PCDH15: variants seen among roughly 807,000 people sequenced by gnomAD.
The protein encoded by PCDH15 is protocadherin-15.
Under a neutral mutation model 178.5 loss-of-function variants are expected in PCDH15, and 129 were observed. The ratio of observed to expected loss-of-function variants is 0.72; its 90% CI spans 0.63 to 0.84. The LOEUF (loss-of-function observed/expected upper bound fraction) is 0.84. Among genes scored for constraint, PCDH15 ranks in the 40% least tolerant of loss-of-function variants. The pLI, the probability that PCDH15 is intolerant of heterozygous loss-of-function variation, is 0.00. For missense variants in PCDH15, 2,230 were observed against 2,099.9 expected, an observed-to-expected ratio of 1.06 and a Z score of -1.21; for synonymous variants, 800 against 732.0, an observed-to-expected ratio of 1.09 and a Z score of -1.50.
chr10:53,978,318 C>T (rs1330510256), intron 21 of PCDH15, among the ~76,000 whole-genome samples: 1 of 152,188 alleles, frequency 6.6e-6, no homozygotes, highest in Non-Finnish European at 1.5e-5. Context: ...GTCTTCTCTA[C>T]ACCCGCTGGA....
intron 3 of PCDH15, among the ~76,000 whole-genome samples, chr10:54,470,874 T>G (rs2077870041): frequency 6.6e-6 from 1 of 152,064 alleles, no homozygotes; most frequent in East Asian, 1.9e-4. Flanking sequence ...GTGAAGGAGG[T>G]GAGTACCGGA....
At chr10:53,962,715 C>T (rs773249091) in intron 21 of PCDH15, among the ~76,000 whole-genome samples, 6 of 151,962 alleles carry the variant, frequency 3.9e-5, no homozygotes, top group Non-Finnish European at 8.8e-5. Context: ...AGTTGGGACA[C>T]CAAACAAAGT....
intron 2 of PCDH15, among the ~76,000 whole-genome samples, chr10:55,440,416 T>C (rs1437500297): frequency 2.6e-5 from 4 of 152,164 alleles, no homozygotes; most frequent in Non-Finnish European, 5.9e-5. Flanking sequence ...GAGGTAGTTA[T>C]TGTGGATTTT....
intron 2 of PCDH15, among the ~76,000 whole-genome samples, chr10:54,958,416 T>C (rs1261411006): frequency 6.6e-6 from 1 of 151,716 alleles, no homozygotes; most frequent in Non-Finnish European, 1.5e-5. Context: ...TCAAAGTCAC[T>C]TTGAGAAGAG....
chr10:54,863,126 A>G (rs1361552867), intron 3 of PCDH15, among the ~76,000 whole-genome samples: 1 of 152,140 alleles, frequency 6.6e-6, no homozygotes, highest in African/African-American at 2.4e-5. Context: ...TTAACCTTTT[A>G]TAGATAGTTT....
chr10:55,428,732 G>T (rs1838815680), intron 2 of PCDH15, among the ~76,000 whole-genome samples: 1 of 151,560 alleles, frequency 6.6e-6, no homozygotes, highest in Admixed American at 6.6e-5. Context: ...ATTATTAATA[G>T]GTTTAAGTCT....
chr10:54,302,665 G>C (rs1256668041), intron 8 of PCDH15, among the ~76,000 whole-genome samples: 1 of 152,064 alleles, frequency 6.6e-6, no homozygotes, highest in African/African-American at 2.4e-5. Flanking sequence ...TGCCTAGTTT[G>C]TGGTATTTTT....
At chr10:54,418,848 A>T (rs571971223) in intron 3 of PCDH15, among the ~76,000 whole-genome samples, 67 of 152,152 alleles carry the variant, frequency 4.4e-4, no homozygotes, top group African/African-American at 1.5e-3. Flanking sequence ...AAGCTAAAAG[A>T]CAATAATATG....
chr10:54,084,153 T>C (rs1259578927), intron 16 of PCDH15, among the ~76,000 whole-genome samples: 1 of 151,576 alleles, frequency 6.6e-6, no homozygotes, highest in Non-Finnish European at 1.5e-5. Context: ...TGGCATGATC[T>C]CCGCTCACTG....
rs1955391618 is a variant in PCDH15, at chr10:54,421,710, A to ACT, written c.158-42770_158-42769dup. On this transcript the variant is annotated intron_variant, in intron 3 of 37. Coordinates refer to ENST00000644397, the MANE Select transcript of PCDH15 (RefSeq NM_001384140.1). Reference sequence around the variant, plus strand: ...TATATATATACACACACACACACACACTATATATATTTTTGTGTTATATAT... The same window carrying ACT: ...TATATATATACACACACACACACACACTCTATATATATTTTTGTGTTATATAT... Among the ~76,000 whole-genome samples, 2 of 132,378 alleles carry ACT rather than the reference A, an allele frequency of 1.5e-5. 1 individual carries two copies. 86.8% of individuals were successfully genotyped at this position (132,378 alleles called of 152,430 possible).
At position 54,087,390 on chromosome 10, in the gene PCDH15, AT is replaced by A. The variant is rs533269423; in HGVS notation, c.1997+2593del. ...ATTATGAAAATTTTATAGAAATGAA[AT>A]AATATAATACGTGCTCTTTTTGCAA... is the stretch of plus-strand genomic sequence containing the variant. On this transcript the variant is annotated intron_variant, in intron 16 of 37. Transcript: ENST00000644397. Among the ~76,000 whole-genome samples the A allele has an allele frequency of 4.3e-4, 66 of 152,298 alleles. No homozygotes were observed. In the South Asian group the frequency reaches 7.2e-3, roughly 17 times the overall value.
chr10:54,411,391 A>T (rs1953489808), intron 3 of PCDH15, among the ~76,000 whole-genome samples: 1 of 152,158 alleles, frequency 6.6e-6, no homozygotes, highest in Non-Finnish European at 1.5e-5. Flanking sequence ...AAATTAAAAG[A>T]CCAGTATAAC....
intron 2 of PCDH15, among the ~76,000 whole-genome samples, chr10:55,400,072 C>T (rs1367271548): frequency 6.6e-6 from 1 of 152,072 alleles, no homozygotes; most frequent in Non-Finnish European, 1.5e-5. Flanking sequence ...ATCTTTAAAA[C>T]TTCAGCAAAT....
intron 3 of PCDH15, among the ~76,000 whole-genome samples, chr10:54,511,595 TACGGTC>T (rs1565461750): frequency 6.6e-6 from 1 of 152,206 alleles, no homozygotes; most frequent in Non-Finnish European, 1.5e-5. Context: ...TGATATATCA[TACGGTC>T]ACTTTATGGA....
intron 15 of PCDH15, among the ~76,000 whole-genome samples, chr10:54,121,973 A>G (rs991144130): frequency 1.4e-4 from 21 of 148,986 alleles, no homozygotes; most frequent in African/African-American, 5.0e-4. Context: ...AGCCAGCATC[A>G]CCTAATATCT....
chr10:54,408,377 A>G (rs1022277069), intron 3 of PCDH15, among the ~76,000 whole-genome samples: 1 of 152,172 alleles, frequency 6.6e-6, no homozygotes, highest in African/African-American at 2.4e-5. Context: ...TATTCCATAT[A>G]TGTAAAATAT....
intron 1 of PCDH15, among the ~76,000 whole-genome samples, chr10:54,757,168 G>T (rs1300048542): frequency 6.6e-6 from 1 of 152,048 alleles, no homozygotes; most frequent in Non-Finnish European, 1.5e-5. Context: ...ATTAGCTGGG[G>T]ACAATTTGTA....
At chr10:54,830,029 C>T (rs1029177860) in intron 3 of PCDH15, among the ~76,000 whole-genome samples, 1 of 152,054 alleles carries the variant, frequency 6.6e-6, no homozygotes, top group Non-Finnish European at 1.5e-5. Context: ...TTCTCATTTT[C>T]ATTCAGATTA....
chr10:55,026,336 T>A (rs919528241), intron 2 of PCDH15, among the ~76,000 whole-genome samples: 3 of 152,004 alleles, frequency 2.0e-5, no homozygotes, highest in Non-Finnish European at 4.4e-5. Flanking sequence ...AAGAGATACA[T>A]ACTGCCTGAA....
Sources: gnomAD v4.1 joint callset for allele counts (sites outside exome capture counted in the v4.1 genomes callset) on GRCh38, gnomAD v4.1.1 for gene constraint, MANE v1.5 for transcripts, NCBI Gene and HGNC (gene_info 2026-07-23, HGNC 2026-07-21) for gene names.